The following JOSD2 variants were observed in gnomAD, a reference collection of about 807,000 sequenced individuals.
JOSD2 encodes josephin-2.
JOSD2 carries 20 observed loss-of-function variants against 19.3 expected under a neutral mutation model. That is an observed-to-expected ratio of 1.04 (90% CI 0.73 to 1.51). The LOEUF is 1.51. Ranked by LOEUF, JOSD2 falls within the 40% of genes most tolerant of loss-of-function variation. JOSD2 has a pLI of 0.00. For missense variants in JOSD2, 215 were observed against 250.4 expected (o/e 0.86, Z 0.95); for synonymous variants, 118 against 123.7 (o/e 0.95, Z 0.31).
Position 50,507,611 on chromosome 19 carries a change from C to G in JOSD2, c.235G>C (p.Gly79Arg), listed in dbSNP as rs781280131. ...CACCACACGGCGGCCAGGCCCAGCCCCTGCAGAGCGGCCATGATCACATTG... is the reference window on the plus strand; with the variant it reads ...CACCACACGGCGGCCAGGCCCAGCCGCTGCAGAGCGGCCATGATCACATTG... ...DVNVIMAALQ[G>R]LGLAAVWWDR... The change falls in exon 3 of 5, where the codon GGG becomes CGG. Residue 79 changes from glycine (G) to arginine (R), a missense_variant. Coordinates refer to ENST00000598418, the MANE Select transcript of JOSD2 (RefSeq NM_001270639.2). 1 of 1,609,962 alleles carries G rather than the reference C, an allele frequency of 6.2e-7. No homozygotes were observed. The highest frequency in any genetic ancestry group is 1.1e-5 in the South Asian group (1 of 91,080).
At position 50,507,164 on chromosome 19, in the gene JOSD2, C is replaced by T. The variant is rs1483308417; in HGVS notation, c.272+410G>A. Among the ~76,000 whole-genome samples, 6 of 142,914 alleles carry T rather than the reference C, an allele frequency of 4.2e-5. No individual in the cohort carries two copies. In the South Asian group the frequency reaches 1.2e-3, roughly 28 times the overall value. The allele number at this position is 142,914 out of a possible 152,430, so 93.8% of individuals were successfully genotyped here. A position where few individuals can be genotyped will look rare whatever the true frequency, so the allele number is the denominator to read the frequency against. ...CCAGCCATTCACCCAACAGTGGACTCGCCATGCCCCCAATCCTCACTCACT... is the reference window on the plus strand; with the variant it reads ...CCAGCCATTCACCCAACAGTGGACTTGCCATGCCCCCAATCCTCACTCACT... On this transcript the variant is annotated intron_variant, in intron 3 of 4. Transcript: ENST00000598418.
rs537375381 is a variant in JOSD2 at position 50,508,847 on chromosome 19, A to T, written c.147-1148T>A. Among the ~76,000 whole-genome samples the T allele has an allele frequency of 3.0e-3, 454 of 152,164 alleles. 3 individuals carry two copies. Among genetic ancestry groups the T allele is most frequent in the Admixed American group, 4.8e-3 (73 of 15,254 alleles). ...GGGTCCTTGTTGCGAATGATAGAGG[A>T]GATGACTAAATACCATAATAATCAG... is the stretch of plus-strand genomic sequence containing the variant. On this transcript the variant is annotated intron_variant, in intron 2 of 4. Transcript: ENST00000598418.
At chr19:50,506,925 T>C (rs143084383) in intron 3 of JOSD2, among the ~76,000 whole-genome samples, 1 of 150,522 alleles carries the variant, frequency 6.6e-6, no homozygotes, top group Non-Finnish European at 1.5e-5. Flanking sequence ...GATCCATGCA[T>C]GATCCGCCCA....
intron 3 of JOSD2, among the ~76,000 whole-genome samples, chr19:50,507,301 C>A (rs1979433152): frequency 6.6e-6 from 1 of 151,832 alleles, no homozygotes; most frequent in African/African-American, 2.4e-5. Context: ...AGCCTCCTGT[C>A]TGCTGCCCAT....
chr19:50,510,201 C>T, intron 2 of JOSD2, 85 bp downstream of exon 2: 1 of 1,555,602 alleles, frequency 6.4e-7, no homozygotes, highest in Non-Finnish European at 8.8e-7. Context: ...GCCCCCAAGG[C>T]TCAGCGCCTG....
In JOSD2 at chr19:50,506,223, C is replaced by T; in HGVS notation, c.517G>A (p.Val173Ile). The T allele has an allele frequency of 1.2e-6, 2 of 1,612,766 alleles. No homozygotes were observed. Among genetic ancestry groups the T allele is most frequent in the South Asian group, 1.1e-5 (1 of 91,084 alleles). ...LAQGLCEVLL[V>I]VTKEVEEKGS... Reference sequence around the variant, plus strand: ...TTCTCCTCCACCTCCTTGGTCACTACCAGCAGCACCTCGCACAGGCCCTGG... The same window carrying T: ...TTCTCCTCCACCTCCTTGGTCACTATCAGCAGCACCTCGCACAGGCCCTGG... The change falls in exon 5 of 5, where the codon GTA (valine) becomes ATA (isoleucine). Residue 173 changes from valine to isoleucine, a missense_variant. Physicochemically the swap from Val to Ile is conservative, Grantham distance 29. Coordinates refer to ENST00000598418, the MANE Select transcript of JOSD2 (RefSeq NM_001270639.2).
At chr19:50,508,576 C>G (rs1177104999) in intron 2 of JOSD2, among the ~76,000 whole-genome samples, 1 of 150,852 alleles carries the variant, frequency 6.6e-6, no homozygotes, top group Non-Finnish European at 1.5e-5. Context: ...TCCTCCAGCT[C>G]TTCCCCTGCC....
At chr19:50,510,924 CG>C (rs1979793126) in intron 1 of JOSD2, among the ~76,000 whole-genome samples, 192 bp downstream of exon 1, 1 of 152,124 alleles carries the variant, frequency 6.6e-6, no homozygotes, top group African/African-American at 2.4e-5. Flanking sequence ...TCCCCTTCCC[CG>C]GTCATGTAGC....
chr19:50,509,178 A>G (rs1365057767), intron 2 of JOSD2, among the ~76,000 whole-genome samples: 1 of 150,006 alleles, frequency 6.7e-6, no homozygotes. Context: ...CCCAGCTTCA[A>G]GCAATTCTCC....
At position 50,508,698 on chromosome 19, in the gene JOSD2, C is replaced by CGTGTGTGTGT. The variant is rs58475114; in HGVS notation, c.147-1009_147-1000dup. ...AGGCAGGACATGGGAGGAAAACGCT[C>CGTGTGTGTGT]GTGTGTGTGTGTGTGTGTGTGTGTG... On this transcript the variant is annotated intron_variant, in intron 2 of 4. Transcript: ENST00000598418. Among the ~76,000 whole-genome samples, 228 of 140,910 alleles carry CGTGTGTGTGT rather than the reference C, an allele frequency of 1.6e-3. 4 individuals carry two copies. The highest frequency in any genetic ancestry group is 1.2e-3 in the Non-Finnish European group (81 of 64,902). 92.4% of individuals were successfully genotyped at this position (140,910 alleles called of 152,430 possible). A position where few individuals can be genotyped will look rare whatever the true frequency, so the allele number is the denominator to read the frequency against.
intron 1 of JOSD2, among the ~76,000 whole-genome samples, chr19:50,510,651 T>C (rs959548987): frequency 1.3e-5 from 2 of 152,056 alleles, no homozygotes; most frequent in Non-Finnish European, 2.9e-5. Context: ...CGAAAAACGC[T>C]GTCTCTTCTG....
chr19:50,509,880 C>T (rs937745067), intron 2 of JOSD2, among the ~76,000 whole-genome samples: 2 of 151,488 alleles, frequency 1.3e-5, no homozygotes, highest in Non-Finnish European at 2.9e-5. Flanking sequence ...GGTGAAACCC[C>T]GTCTCTACTA....
Position 50,506,396 on chromosome 19 carries a change from C to G in JOSD2, c.449G>C (p.Gly150Ala). Residue 150 changes from glycine (G) to alanine (A), a missense_variant, in exon 4 of 5, where the codon GGG becomes GCG. Physicochemically the swap from Gly to Ala is moderately conservative, Grantham distance 60 (BLOSUM62 0). Transcript: ENST00000598418. ...DSKLRAPEAL[G>A]DEDGVRAFLA... ...GGCTCACCTGACTCCGTCCTCATCC[C>G]CCAGGGCCTCGGGCGCCCGCAGCTT... The G allele has an allele frequency of 6.2e-7, 1 of 1,606,464 alleles. No individual in the cohort carries two copies. The highest frequency in any genetic ancestry group is 1.1e-5 in the South Asian group (1 of 90,194).
chr19:50,508,879 G>A (rs890271063), intron 2 of JOSD2, among the ~76,000 whole-genome samples: 1 of 152,068 alleles, frequency 6.6e-6, no homozygotes, highest in African/African-American at 2.4e-5. Context: ...TCAGTCTGAG[G>A]GGCTGGGACT....
chr19:50,511,066 G>A (rs532322055), intron 1 of JOSD2, 51 bp downstream of exon 1: 6 of 450,514 alleles, frequency 1.3e-5, no homozygotes, highest in East Asian at 7.5e-5. Context: ...GCCCTTCGCC[G>A]ACCCGCACCC....
In JOSD2 at chr19:50,507,924, C is replaced by T. The variant is rs543445127; in HGVS notation, c.147-225G>A. On this transcript the variant is annotated intron_variant, in intron 2 of 4. Coordinates refer to ENST00000598418, the MANE Select transcript of JOSD2 (RefSeq NM_001270639.2). The stretch of plus-strand genomic sequence containing the variant: ...GCCCTGTCCCCAAGTCCTGCCTCTC[C>T]TGCCCCGACTCTGCCCTGTCCCCAA... 6.5e-5 allele frequency: 39 copies of T among 599,722 alleles called. No individual in the cohort carries two copies. In the South Asian group the frequency reaches 7.5e-4, roughly 11 times the overall value. 37.2% of individuals were successfully genotyped at this position (599,722 alleles called of 1,614,324 possible).
At chr19:50,506,624 T>C (rs1341552988) in intron 3 of JOSD2, 52 bp from the exon 4 acceptor site, 7 of 1,442,704 alleles carry the variant, frequency 4.9e-6, no homozygotes, top group Non-Finnish European at 6.5e-6. Flanking sequence ...CGCCCGCCGG[T>C]GAAATGTTGC....
intron 1 of JOSD2, among the ~76,000 whole-genome samples, chr19:50,510,816 G>T (rs1459584446): frequency 6.6e-6 from 1 of 151,840 alleles, no homozygotes; most frequent in Non-Finnish European, 1.5e-5. Context: ...CACCGCACTA[G>T]GTAACAAAGT....
intron 1 of JOSD2, 145 bp from the exon 2 acceptor site, chr19:50,510,593 G>C: frequency 1.5e-6 from 1 of 688,456 alleles, no homozygotes; most frequent in Non-Finnish European, 2.4e-6. Flanking sequence ...CCGCTCCCTG[G>C]CAGTCTCCTG....
Sources: allele counts gnomAD v4.1 joint callset (sites outside exome capture counted in the v4.1 genomes callset), GRCh38; gene constraint gnomAD v4.1.1; transcripts MANE v1.5; gene names NCBI Gene and HGNC (gene_info 2026-07-23, HGNC 2026-07-21).